ACOT13: variants seen among roughly 807,000 people sequenced by gnomAD.
ACOT13 encodes acyl-coenzyme A thioesterase 13.
In ACOT13, 10 loss-of-function variants were observed where a neutral mutation model predicts 11.8. The ratio of observed to expected loss-of-function variants is 0.85; its 90% CI spans 0.53 to 1.44. The LOEUF is 1.44. ACOT13 is among the 40% of genes most tolerant of loss of function. The pLI is 0.00. For synonymous variants in ACOT13, 53 were observed against 61.0 expected (o/e 0.87, Z 0.61); for missense variants, 172 against 174.1 (o/e 0.99, Z 0.07).
chr6:24,697,745 T>C (rs971075916), intron 1 of ACOT13, 138 bp from the exon 2 acceptor site: 8 of 639,782 alleles, frequency 1.3e-5, no homozygotes, highest in Non-Finnish European at 1.0e-5. Flanking sequence ...TTAATTTCTA[T>C]CAGAGATTGG....
intron 1 of ACOT13, chr6:24,687,561 G>T: frequency 7.0e-7 from 1 of 1,435,012 alleles, no homozygotes; most frequent in South Asian, 1.5e-5. Context: ...GAGTGATGAA[G>T]GTGAATACCT....
rs1356473432 is a variant in ACOT13, at chr6:24,704,962, AC to A, written c.*3348del. 1 of 151,834 alleles carries A rather than the reference AC, an allele frequency of 6.6e-6. No homozygotes were observed. The highest frequency in any genetic ancestry group is 1.5e-5 in the Non-Finnish European group (1 of 67,862). The allele number at this position is 151,834 out of a possible 1,614,324, so 9.4% of individuals were successfully genotyped here. ...TTCAAATTCCAACCAGAAGCTAAAT[AC>A]AATTGGAAACTGGTAAGCACTAGTT... On this transcript the variant is annotated 3_prime_UTR_variant, in exon 3 of 3. Coordinates refer to ENST00000230048, the MANE Select transcript of ACOT13 (RefSeq NM_018473.4).
chr6:24,681,069 T>C (rs913939401), intron 1 of ACOT13, among the ~76,000 whole-genome samples: 1 of 152,248 alleles, frequency 6.6e-6, no homozygotes, highest in Non-Finnish European at 1.5e-5. Context: ...TTTAAATCCT[T>C]TGTTAGGAAA....
rs1398083786 is a variant in ACOT13 at position 24,667,177 on chromosome 6, T to A, written c.-87T>A. On this transcript the variant is annotated 5_prime_UTR_variant, in exon 1 of 3. Coordinates refer to ENST00000230048, the MANE Select transcript of ACOT13 (RefSeq NM_018473.4). ...GGGTGCGGGCTCTTCGCCCTTTGTG[T>A]CCTCCTTCTTTCACTAACTTCTGGA... 1 of 1,261,002 alleles carries A rather than the reference T, an allele frequency of 7.9e-7. No homozygotes were observed. Among genetic ancestry groups the A allele is most frequent in the East Asian group, 2.8e-5 (1 of 35,578 alleles). 78.1% of individuals were successfully genotyped at this position (1,261,002 alleles called of 1,614,324 possible).
At chr6:24,691,746 AG>A (rs1306983454) in intron 1 of ACOT13, among the ~76,000 whole-genome samples, 1 of 152,164 alleles carries the variant, frequency 6.6e-6, no homozygotes, top group Non-Finnish European at 1.5e-5. Context: ...CCATTGTTTG[AG>A]GGCCCCATTA....
intron 1 of ACOT13, among the ~76,000 whole-genome samples, chr6:24,682,657 C>T (rs914524443): frequency 1.3e-5 from 2 of 151,756 alleles, no homozygotes; most frequent in Non-Finnish European, 2.9e-5. Flanking sequence ...GGATGGGAGT[C>T]AGTGGTGGGT....
At position 24,704,369 on chromosome 6, in the gene ACOT13, T is replaced by C. The variant is rs181861506; in HGVS notation, c.*2754T>C. ...AACAATGGCTGCCAAAATGCCTAAC[T>C]TGGTGAACATAAGTGTAATTCAATA... is the stretch of plus-strand genomic sequence containing the variant. On this transcript the variant is annotated 3_prime_UTR_variant, in exon 3 of 3. Transcript: ENST00000230048. 1 of 152,340 alleles carries C rather than the reference T, an allele frequency of 6.6e-6. No individual in the cohort carries two copies. The highest frequency in any genetic ancestry group is 6.5e-5 in the Admixed American group (1 of 15,306). The allele number at this position is 152,340 out of a possible 1,614,324, so 9.4% of individuals were successfully genotyped here.
intron 1 of ACOT13, among the ~76,000 whole-genome samples, chr6:24,668,900 G>T (rs1778310425): frequency 2.0e-5 from 3 of 152,156 alleles, no homozygotes. Flanking sequence ...ACACAGAAAA[G>T]GTGGGGGTTT....
In ACOT13 at chr6:24,705,001, A is replaced by G. The variant is rs1171902758; in HGVS notation, c.*3386A>G. On this transcript the variant is annotated 3_prime_UTR_variant, in exon 3 of 3. Transcript: ENST00000230048. ...GTAAGCACTAGTTTTACTCCAAAGGAGTAGGATCATTCAGATTTACTCCAA... is the reference window on the plus strand; with the variant it reads ...GTAAGCACTAGTTTTACTCCAAAGGGGTAGGATCATTCAGATTTACTCCAA... 6.6e-6 allele frequency: 1 copy of G among 151,974 alleles called. No homozygotes were observed. The highest frequency in any genetic ancestry group is 2.4e-5 in the African/African-American group (1 of 41,292). The allele number at this position is 151,974 out of a possible 1,614,324, so 9.4% of individuals were successfully genotyped here. A position where few individuals can be genotyped will look rare whatever the true frequency, so the allele number is the denominator to read the frequency against.
At chr6:24,679,359 T>A (rs576786102) in intron 1 of ACOT13, among the ~76,000 whole-genome samples, 3 of 152,210 alleles carry the variant, frequency 2.0e-5, no homozygotes, top group Non-Finnish European at 4.4e-5. Flanking sequence ...TTTTTTCTAA[T>A]GTCTGCAGTT....
chr6:24,675,991 C>T (rs1398675469), intron 1 of ACOT13, among the ~76,000 whole-genome samples: 6 of 152,174 alleles, frequency 3.9e-5, no homozygotes, highest in African/African-American at 7.2e-5. Context: ...ATCCTTTCCC[C>T]ATTTCTTGTT....
intron 1 of ACOT13, among the ~76,000 whole-genome samples, chr6:24,691,570 GTTC>G (rs1778718910): frequency 6.6e-6 from 1 of 152,086 alleles, no homozygotes; most frequent in Admixed American, 6.5e-5. Flanking sequence ...ATTCCTGTAA[GTTC>G]TTTTTTTAAG....
chr6:24,688,841 C>G (rs1010293401), intron 1 of ACOT13, among the ~76,000 whole-genome samples: 1 of 152,064 alleles, frequency 6.6e-6, no homozygotes, highest in East Asian at 1.9e-4. Context: ...CAAAATACAA[C>G]GGTCTGGAAT....
intron 1 of ACOT13, chr6:24,687,753 C>G (rs1778655745): frequency 1.4e-6 from 2 of 1,436,410 alleles, no homozygotes; most frequent in East Asian, 5.3e-5. Context: ...CTTTATTGCC[C>G]AGGCTGGAGT....
At chr6:24,672,441 C>T (rs1275496815) in intron 1 of ACOT13, among the ~76,000 whole-genome samples, 1 of 152,180 alleles carries the variant, frequency 6.6e-6, no homozygotes, top group Non-Finnish European at 1.5e-5. Context: ...GAGATCAAGA[C>T]CATCCTGGCC....
intron 1 of ACOT13, among the ~76,000 whole-genome samples, chr6:24,683,285 C>G (rs914603026): frequency 1.3e-5 from 2 of 152,152 alleles, no homozygotes; most frequent in Non-Finnish European, 2.9e-5. Flanking sequence ...CGCCTGTAAT[C>G]CCAGCACTTT....
intron 1 of ACOT13, among the ~76,000 whole-genome samples, chr6:24,682,155 G>A (rs1487102078): frequency 6.6e-6 from 1 of 152,218 alleles, no homozygotes; most frequent in Non-Finnish European, 1.5e-5. Context: ...TAAGTCCGGC[G>A]GCCACGCTAA....
chr6:24,700,311 T>A (rs1248239832), intron 2 of ACOT13, among the ~76,000 whole-genome samples: 1 of 152,142 alleles, frequency 6.6e-6, no homozygotes, highest in Non-Finnish European at 1.5e-5. Flanking sequence ...AAGACAAAAT[T>A]TAGGGAAATA....
chr6:24,674,029 A>G (rs1197112426), intron 1 of ACOT13, among the ~76,000 whole-genome samples: 3 of 152,130 alleles, frequency 2.0e-5, no homozygotes, highest in Admixed American at 6.5e-5. Context: ...TTGTATACAT[A>G]ACCTTTAAAT....
Sources: allele counts gnomAD v4.1 joint callset (sites outside exome capture counted in the v4.1 genomes callset), GRCh38; gene constraint gnomAD v4.1.1; transcripts MANE v1.5; gene names NCBI Gene and HGNC (gene_info 2026-07-23, HGNC 2026-07-21).